The following FOXP2 variants were observed in gnomAD, a reference collection of about 807,000 sequenced individuals.
The protein encoded by FOXP2 is forkhead box P2.
In FOXP2, 12 loss-of-function variants were observed where a neutral mutation model predicts 115.8. The observed-to-expected ratio is 0.10, with a 90% confidence interval of 0.07 to 0.17. FOXP2 has a LOEUF of 0.17. FOXP2 is among the 10% of genes least tolerant of loss of function. The probability of loss-of-function intolerance (pLI) is 1.00; values close to 1 mark genes in which losing one functional copy is unlikely to be tolerated. For synonymous variants in FOXP2, 328 were observed against 297.7 expected, an observed-to-expected ratio of 1.10 and a Z score of -1.05; for missense variants, 629 against 843.5, an observed-to-expected ratio of 0.75 and a Z score of 3.15.
At chr7:114,303,295 T>C (rs1796920386) in intron 2 of FOXP2, among the ~76,000 whole-genome samples, 1 of 152,052 alleles carries the variant, frequency 6.6e-6, no homozygotes, top group Non-Finnish European at 1.5e-5. Flanking sequence ...ATCCTACACA[T>C]ACAAAAAAAG....
At chr7:114,351,291 A>T (rs1303854420) in intron 2 of FOXP2, among the ~76,000 whole-genome samples, 1 of 152,218 alleles carries the variant, frequency 6.6e-6, no homozygotes, top group Admixed American at 6.5e-5. Flanking sequence ...TTCAAGATAC[A>T]TATAGAATGC....
In FOXP2 at chr7:114,221,862, G is replaced by C. The variant is rs544967607; in HGVS notation, c.-102+58774G>C. Among the ~76,000 whole-genome samples, 4 of 152,142 alleles carry C rather than the reference G, an allele frequency of 2.6e-5. No individual in the cohort carries two copies. In the South Asian group the frequency reaches 8.3e-4, roughly 32 times the overall value. The stretch of plus-strand genomic sequence containing the variant: ...TAGCCACAAACTTAGATAAATAGCT[G>C]TTTTCAAGGCTTGTTGAGTTCATTC... On this transcript the variant is annotated intron_variant, in intron 1 of 17. Coordinates refer to the FOXP2 transcript ENST00000634411.
chr7:114,217,959 T>C (rs1794526446), intron 1 of FOXP2, among the ~76,000 whole-genome samples: 1 of 152,178 alleles, frequency 6.6e-6, no homozygotes, highest in Non-Finnish European at 1.5e-5. Flanking sequence ...TAAGACCCCT[T>C]CTCAGCTTAG....
chr7:114,222,968 C>T (rs1584556766), intron 1 of FOXP2, among the ~76,000 whole-genome samples: 1 of 152,162 alleles, frequency 6.6e-6, no homozygotes, highest in African/African-American at 2.4e-5. Flanking sequence ...TTTATTATTA[C>T]ATTGTATAAT....
rs978834965 is a variant in FOXP2 at position 114,421,813 on chromosome 7, T to C, written c.-10-4689T>C. Among the ~76,000 whole-genome samples, 6 of 151,720 alleles carry C rather than the reference T, an allele frequency of 4.0e-5. 1 individual carries two copies. Among genetic ancestry groups the C allele is most frequent in the Admixed American group, 2.0e-4 (3 of 15,160 alleles). ...AGGCAATCTTAGCATTAAAGACTTT[T>C]AGCAAAGCAGTGCTGGATCTCAAAT... On this transcript the variant is annotated intron_variant, in intron 1 of 16. Transcript: ENST00000350908.
intron 2 of FOXP2, among the ~76,000 whole-genome samples, chr7:114,450,030 T>A (rs1468456303): frequency 6.6e-6 from 1 of 152,138 alleles, no homozygotes; most frequent in African/African-American, 2.4e-5. Context: ...TGAAAAAGTA[T>A]TCTGCCTGAT....
intron 3 of FOXP2, among the ~76,000 whole-genome samples, chr7:114,619,726 G>T (rs1804141721): frequency 6.6e-6 from 1 of 151,902 alleles, no homozygotes; most frequent in Admixed American, 6.6e-5. Context: ...TAGCTGTAAT[G>T]TTTGAAAGTA....
At chr7:114,181,406 C>A (rs1486358374) in intron 1 of FOXP2, among the ~76,000 whole-genome samples, 1 of 151,840 alleles carries the variant, frequency 6.6e-6, no homozygotes, top group East Asian at 1.9e-4. Context: ...AGATCTCATG[C>A]CCTCCATGTC....
rs79313772 is a variant in FOXP2, at chr7:114,493,642, G to A, written c.169-40975G>A. On this transcript the variant is annotated intron_variant, in intron 2 of 16. Coordinates refer to ENST00000350908, the MANE Select transcript of FOXP2 (RefSeq NM_014491.4). ...TACCCAGAAGCACTTTATCTCACAC[G>A]CACCCACACACACATACTCTCTCTC... Among the ~76,000 whole-genome samples the A allele has an allele frequency of 2.8e-3, 419 of 151,608 alleles. 6 individuals carry two copies. The East Asian group carries it at 0.048, about 17-fold the overall frequency.
chr7:114,498,340 G>T (rs1185328276), intron 2 of FOXP2, among the ~76,000 whole-genome samples: 1 of 152,128 alleles, frequency 6.6e-6, no homozygotes, highest in African/African-American at 2.4e-5. Context: ...CTCTTGTTCA[G>T]ATCATTTTAA....
At chr7:114,571,478 T>C (rs368476022) in intron 3 of FOXP2, among the ~76,000 whole-genome samples, 17 of 152,008 alleles carry the variant, frequency 1.1e-4, no homozygotes, top group African/African-American at 3.9e-4. Context: ...GCATAGATTC[T>C]ACCTGCATTC....
intron 1 of FOXP2, among the ~76,000 whole-genome samples, chr7:114,253,221 C>T (rs1045328783): frequency 5.3e-5 from 8 of 152,130 alleles, no homozygotes; most frequent in African/African-American, 1.9e-4. Flanking sequence ...AGTATGTGGT[C>T]AATTTTGGAA....
At chr7:114,488,257 A>G (rs955875071) in intron 2 of FOXP2, among the ~76,000 whole-genome samples, 1 of 151,866 alleles carries the variant, frequency 6.6e-6, no homozygotes, top group African/African-American at 2.4e-5. Flanking sequence ...ACCCACCCCC[A>G]TGATTCAGTT....
intron 16 of FOXP2, among the ~76,000 whole-genome samples, chr7:114,677,215 C>A (rs1457167286): frequency 6.6e-6 from 1 of 150,960 alleles, no homozygotes; most frequent in Non-Finnish European, 1.5e-5. Flanking sequence ...GACTTAAAAT[C>A]TTTATTGTTA....
chr7:114,485,223 A>C lies in FOXP2; in HGVS notation c.169-49394A>C, dbSNP rs533637262. 5.9e-5 allele frequency among the ~76,000 whole-genome samples: 9 copies of C among 152,050 alleles called. No homozygotes were observed. In the East Asian group the frequency reaches 1.5e-3, roughly 26 times the overall value. ...TTTTTCTGAAAATAATGTTTTAGAA[A>C]ATTTTTTTATTAAAAACCTCACCTA... On this transcript the variant is annotated intron_variant, in intron 2 of 16. Transcript: ENST00000350908.
chr7:114,397,305 G>T (rs905175174), intron 2 of FOXP2, among the ~76,000 whole-genome samples: 1 of 151,860 alleles, frequency 6.6e-6, no homozygotes, highest in Non-Finnish European at 1.5e-5. Context: ...ATCCCATACC[G>T]ATCACTATAC....
intron 1 of FOXP2, among the ~76,000 whole-genome samples, chr7:114,424,195 T>C (rs1244250476): frequency 6.6e-6 from 1 of 151,414 alleles, no homozygotes; most frequent in Non-Finnish European, 1.5e-5. Context: ...TTCTTAATTA[T>C]TTGATGGCCT....
chr7:114,352,657 T>C (rs1192447745), intron 2 of FOXP2, among the ~76,000 whole-genome samples: 1 of 152,142 alleles, frequency 6.6e-6, no homozygotes, highest in Non-Finnish European at 1.5e-5. Context: ...TGTTTTCACA[T>C]AATCTTTCCT....
At chr7:114,648,721 T>C (rs1162016924) in intron 8 of FOXP2, among the ~76,000 whole-genome samples, 1 of 152,084 alleles carries the variant, frequency 6.6e-6, no homozygotes, top group Non-Finnish European at 1.5e-5. Flanking sequence ...ACTACCTACC[T>C]AACACACAGA....
Sources: allele counts gnomAD v4.1 joint callset (sites outside exome capture counted in the v4.1 genomes callset), GRCh38; gene constraint gnomAD v4.1.1; transcripts MANE v1.5; gene names NCBI Gene and HGNC (gene_info 2026-07-23, HGNC 2026-07-21).